The following NR3C1 variants were observed in gnomAD, a reference collection of about 807,000 sequenced individuals.
NR3C1 encodes the protein glucocorticoid receptor.
NR3C1 carries 14 observed loss-of-function variants against 74.0 expected under a neutral mutation model. The observed-to-expected ratio is 0.19, with a 90% CI of 0.12 to 0.30. NR3C1 has a LOEUF of 0.30. Ranked by LOEUF, NR3C1 falls within the 10% of genes least tolerant of loss-of-function variation. The pLI is 1.00. For synonymous variants in NR3C1, 308 were observed against 332.5 expected (o/e 0.93, Z 0.80); for missense variants, 695 against 909.8 (o/e 0.76, Z 3.04).
intron 2 of NR3C1, among the ~76,000 whole-genome samples, chr5:143,344,565 G>A (rs760734955): frequency 2.6e-5 from 4 of 151,946 alleles, no homozygotes; most frequent in Non-Finnish European, 5.9e-5. Context: ...TTGTTTTAAC[G>A]TTGATGAGAA....
chr5:143,369,473 C>A (rs1000032853), intron 2 of NR3C1, among the ~76,000 whole-genome samples: 1 of 151,982 alleles, frequency 6.6e-6, no homozygotes, highest in Non-Finnish European at 1.5e-5. Flanking sequence ...AGTGGATAGA[C>A]AAAATATGGT....
At position 143,400,572 on chromosome 5, in the gene NR3C1, T is replaced by C. The variant is rs781203346; in HGVS notation, c.268A>G (p.Met90Val). 2 of 1,614,238 alleles carry C rather than the reference T, an allele frequency of 1.2e-6. No homozygotes were observed. The highest frequency in any genetic ancestry group is 1.7e-6 in the Non-Finnish European group (2 of 1,180,016). ...ATCACTTTTGTTTCTGTCTCTCCCA[T>C]ATACAGTCCCATTGAGAGTGAAACT... ...KAVSLSMGLY[M>V]GETETKVMGN... The change falls in exon 2 of 9, where the codon ATG becomes GTG. Residue 90 changes from methionine to valine, a missense_variant. Met to Val is a conservative substitution (Grantham distance 21, BLOSUM62 1). Around this residue, in one of 4 missense-constraint regions of NR3C1, gnomAD observed 497 missense variants for 489.5 expected, o/e 1.02. Coordinates refer to ENST00000394464, the MANE Select transcript of NR3C1 (RefSeq NM_000176.3).
Position 143,400,139 on chromosome 5 carries a change from G to A in NR3C1, c.701C>T (p.Ser234Leu). The change falls in exon 2 of 9, where the codon TCA becomes TTA. Residue 234 changes from serine (S) to leucine (L), a missense_variant. By Grantham distance (145) the Ser-to-Leu change is moderately radical. This residue lies in a region of NR3C1 where 497 missense variants were observed against 489.5 expected (regional missense o/e 1.02). Transcript: ENST00000394464. ...LLSPLAGEDD[S>L]FLLEGNSNED... Reference sequence around the variant, plus strand: ...ATTCGAGTTTCCTTCCAAAAGGAATGAATCGTCTTCTCCCGCCAGAGGAGA... The same window carrying A: ...ATTCGAGTTTCCTTCCAAAAGGAATAAATCGTCTTCTCCCGCCAGAGGAGA... 2 of 1,614,230 alleles carry A rather than the reference G, an allele frequency of 1.2e-6. No homozygotes were observed. Among genetic ancestry groups the A allele is most frequent in the Non-Finnish European group, 1.7e-6 (2 of 1,180,044 alleles).
intron 2 of NR3C1, among the ~76,000 whole-genome samples, chr5:143,367,466 T>C (rs1051046428): frequency 6.6e-6 from 1 of 152,146 alleles, no homozygotes; most frequent in Non-Finnish European, 1.5e-5. Context: ...GAAGTAAAAT[T>C]ATCTCTAATT....
At chr5:143,307,922 A>AATC (rs1228087382) in intron 4 of NR3C1, among the ~76,000 whole-genome samples, 2 of 152,204 alleles carry the variant, frequency 1.3e-5, no homozygotes, top group African/African-American at 2.4e-5. Context: ...TTTTTTAGTT[A>AATC]ATCTCTACAG....
rs150372333 is a variant in NR3C1, at chr5:143,345,991, A to C, written c.1185-31823T>G. Among the ~76,000 whole-genome samples, 212 of 152,330 alleles carry C rather than the reference A, an allele frequency of 1.4e-3. 1 individual carries two copies. Among genetic ancestry groups the C allele is most frequent in the African/African-American group, 4.9e-3 (205 of 41,578 alleles). On this transcript the variant is annotated intron_variant, in intron 2 of 8. Coordinates refer to ENST00000394464, the MANE Select transcript of NR3C1 (RefSeq NM_000176.3). ...TACTGATGATGTTAAGTGAGAGCTT[A>C]CTGTATGTGGATCCCAAATAAGTAG...
chr5:143,299,553 T>C (rs941941691), intron 5 of NR3C1, among the ~76,000 whole-genome samples: 1 of 152,192 alleles, frequency 6.6e-6, no homozygotes, highest in Non-Finnish European at 1.5e-5. Context: ...AGGATGACTA[T>C]AGTTAACAAT....
intron 2 of NR3C1, among the ~76,000 whole-genome samples, chr5:143,321,620 C>G (rs753051851): frequency 6.6e-6 from 1 of 152,288 alleles, no homozygotes. Context: ...TCAGTATGGT[C>G]CATAATTTGG....
At chr5:143,341,659 T>C (rs1304970779) in intron 2 of NR3C1, among the ~76,000 whole-genome samples, 1 of 152,146 alleles carries the variant, frequency 6.6e-6, no homozygotes, top group African/African-American at 2.4e-5. Flanking sequence ...CACCAGAAAG[T>C]TGAAAGTGAA....
At chr5:143,382,164 T>G (rs1836380058) in intron 2 of NR3C1, among the ~76,000 whole-genome samples, 1 of 152,134 alleles carries the variant, frequency 6.6e-6, no homozygotes, top group South Asian at 2.1e-4. Context: ...GAAGAAATGT[T>G]CAACATCCTT....
intron 2 of NR3C1, among the ~76,000 whole-genome samples, chr5:143,398,586 T>C (rs957069324): frequency 6.6e-6 from 1 of 151,982 alleles, no homozygotes; most frequent in Non-Finnish European, 1.5e-5. Context: ...ACTTCAATAG[T>C]TACATACAAA....
At chr5:143,403,744 C>T (rs906426581), upstream of NR3C1, 1 of 984,978 alleles carries the variant, frequency 1.0e-6, no homozygotes, top group Admixed American at 6.2e-5. Flanking sequence ...GGCCGCTCCC[C>T]GCCCGAGGGG....
At chr5:143,426,486 C>T (rs1309833804) in intron 1 of NR3C1, among the ~76,000 whole-genome samples, 5 of 152,094 alleles carry the variant, frequency 3.3e-5, no homozygotes, top group African/African-American at 4.8e-5. Flanking sequence ...TAATAAAGCA[C>T]GAGTTATGCC....
At chr5:143,374,724 C>G (rs1834860268) in intron 2 of NR3C1, among the ~76,000 whole-genome samples, 1 of 152,148 alleles carries the variant, frequency 6.6e-6, no homozygotes. Flanking sequence ...ACACTAGATT[C>G]AACACTTCAC....
At chr5:143,405,399 C>G (rs918565706), upstream of NR3C1, 152 of 975,328 alleles carry the variant, frequency 1.6e-4, no homozygotes, top group African/African-American at 2.5e-3. Context: ...ATTGGGGAAG[C>G]GCGTCCCGGA....
chr5:143,435,083 G>T, exon 1 of NR3C1: 1 of 985,420 alleles, frequency 1.0e-6, no homozygotes, highest in Non-Finnish European at 1.2e-6. Flanking sequence ...AACATGTGAG[G>T]TCTGATGCTG....
intron 7 of NR3C1, among the ~76,000 whole-genome samples, chr5:143,286,468 TATTATACC>T (rs1285558237): frequency 6.6e-6 from 1 of 152,136 alleles, no homozygotes; most frequent in East Asian, 1.9e-4. Context: ...TTAAACAGTA[TATTATACC>T]ATTATACCAT....
Position 143,314,135 on chromosome 5 carries a change from TGGA to T in NR3C1, c.1215_1217del (p.Pro406del). On this transcript the variant is annotated inframe_deletion, in exon 3 of 9. Coordinates refer to ENST00000394464, the MANE Select transcript of NR3C1 (RefSeq NM_000176.3). ...CTGTTGTTGCTGTTGAGGAGCTGGA[TGGA>T]GGAGAGCTTACATCTGGTCTCATGC... 6.2e-7 allele frequency: 1 copy of T among 1,613,750 alleles called. No individual in the cohort carries two copies. The highest frequency in any genetic ancestry group is 8.5e-7 in the Non-Finnish European group (1 of 1,179,754).
At chr5:143,309,961 A>G (rs1820551531) in intron 4 of NR3C1, 136 bp downstream of exon 4, 1 of 701,222 alleles carries the variant, frequency 1.4e-6, no homozygotes, top group Admixed American at 2.3e-5. Flanking sequence ...ATTGGGCAGT[A>G]ACATTATGCT....
Sources: allele counts gnomAD v4.1 joint callset (sites outside exome capture counted in the v4.1 genomes callset), GRCh38; gene constraint gnomAD v4.1.1; regional missense constraint gnomAD v4.1.1; transcripts MANE v1.5; gene names NCBI Gene and HGNC (gene_info 2026-07-23, HGNC 2026-07-21).